KANSL1: variants seen among roughly 807,000 people sequenced by gnomAD.
KANSL1 encodes KAT8 regulatory NSL complex subunit 1.
Under a neutral mutation model 103.6 loss-of-function variants are expected in KANSL1, and 22 were observed. The ratio of observed to expected loss-of-function variants is 0.21; its 90% CI spans 0.15 to 0.30. KANSL1 has a LOEUF of 0.30. Ranked by LOEUF, KANSL1 falls within the 10% of genes least tolerant of loss-of-function variation. The probability of loss-of-function intolerance (pLI) is 1.00; values close to 1 mark genes in which losing one functional copy is unlikely to be tolerated. For missense variants in KANSL1, 1,337 were observed against 1,399.8 expected, an observed-to-expected ratio of 0.96 and a Z score of 0.72; for synonymous variants, 600 against 527.6, an observed-to-expected ratio of 1.14 and a Z score of -1.88.
chr17:46,166,582 C>T (rs1445013660), intron 2 of KANSL1, among the ~76,000 whole-genome samples: 4 of 152,076 alleles, frequency 2.6e-5, no homozygotes, highest in African/African-American at 9.7e-5. Context: ...TTCAAATAAG[C>T]GCTTTAGTGT....
upstream of KANSL1, chr17:46,193,516 G>A (rs1206847336): frequency 1.4e-5 from 2 of 147,982 alleles, no homozygotes; most frequent in Non-Finnish European, 3.0e-5. Context: ...GGCGGCGAAG[G>A]GCCGCTCCAC....
At chr17:46,066,491 C>A in intron 6 of KANSL1, 46 bp downstream of exon 6, 1 of 1,497,948 alleles carries the variant, frequency 6.7e-7, no homozygotes, top group Non-Finnish European at 9.0e-7. Flanking sequence ...TCTATCTGAG[C>A]ATCTGGCTCA....
At chr17:46,219,959 C>A (rs1226174071) in intron 1 of KANSL1, among the ~76,000 whole-genome samples, 2 of 151,992 alleles carry the variant, frequency 1.3e-5, no homozygotes, top group African/African-American at 4.8e-5. Flanking sequence ...AAAAATTAGC[C>A]GGGCGTGGTG....
chr17:46,034,712 C>T (rs1568369180), intron 10 of KANSL1: 2 of 191,680 alleles, frequency 1.0e-5, no homozygotes, highest in Admixed American at 1.2e-4. Context: ...TGCTTGAAAG[C>T]TTATGCTGAA....
chr17:46,099,586 T>C (rs2042226318), intron 2 of KANSL1, among the ~76,000 whole-genome samples: 1 of 152,214 alleles, frequency 6.6e-6, no homozygotes, highest in South Asian at 2.1e-4. Flanking sequence ...ATATAGTCAT[T>C]ATCAATAATG....
At chr17:46,176,044 T>C (rs377266352) in intron 1 of KANSL1, among the ~76,000 whole-genome samples, 10 of 152,308 alleles carry the variant, frequency 6.6e-5, no homozygotes, top group African/African-American at 2.4e-4. Flanking sequence ...TCCTCCCCTT[T>C]TGAATGTCAA....
intron 6 of KANSL1, among the ~76,000 whole-genome samples, chr17:46,062,724 C>T (rs374576031): frequency 6.6e-5 from 10 of 151,644 alleles, no homozygotes; most frequent in African/African-American, 2.4e-4. Flanking sequence ...ATATTCCAGC[C>T]ATAATTCAAC....
chr17:46,102,197 G>A (rs2042351155), intron 2 of KANSL1, among the ~76,000 whole-genome samples: 1 of 152,172 alleles, frequency 6.6e-6, no homozygotes. Context: ...CATGACCTAG[G>A]TTGTGTCAGC....
intron 1 of KANSL1, among the ~76,000 whole-genome samples, chr17:46,179,712 G>A (rs1212985930): frequency 6.6e-6 from 1 of 152,212 alleles, no homozygotes; most frequent in East Asian, 1.9e-4. Context: ...TCTAGTGAGA[G>A]GAAATGGCAT....
At chr17:46,184,846 T>C (rs1227505854) in intron 1 of KANSL1, among the ~76,000 whole-genome samples, 1 of 151,034 alleles carries the variant, frequency 6.6e-6, no homozygotes, top group Admixed American at 6.6e-5. Flanking sequence ...ACTTTTTTTT[T>C]TTTTTTTTTT....
At chr17:46,094,146 G>A (rs1372143128) in intron 3 of KANSL1, 1 of 184,046 alleles carries the variant, frequency 5.4e-6, no homozygotes, top group Non-Finnish European at 1.1e-5. Flanking sequence ...GTCCAGGCTG[G>A]AGTGTGGTGG....
intron 1 of KANSL1, among the ~76,000 whole-genome samples, chr17:46,189,195 T>A (rs1027341554): frequency 6.6e-6 from 1 of 151,962 alleles, no homozygotes; most frequent in Admixed American, 6.6e-5. Flanking sequence ...CACGCCAACC[T>A]GGGAATCACA....
chr17:46,067,727 A>G (rs1367111579), intron 4 of KANSL1, 60 bp from the exon 5 acceptor site: 1 of 836,282 alleles, frequency 1.2e-6, no homozygotes, highest in African/African-American at 1.7e-5. Flanking sequence ...CTGCCTGAAA[A>G]GCACCACCAC....
At chr17:46,191,772 T>C (rs2047337270) in intron 1 of KANSL1, among the ~76,000 whole-genome samples, 1 of 152,054 alleles carries the variant, frequency 6.6e-6, no homozygotes, top group Admixed American at 6.5e-5. Context: ...AAAAACACAA[T>C]GATTGCTAGC....
chr17:46,084,094 A>G (rs953041886), intron 3 of KANSL1, among the ~76,000 whole-genome samples: 1 of 146,390 alleles, frequency 6.8e-6, no homozygotes, highest in Non-Finnish European at 1.6e-5. Context: ...AATGAATTGG[A>G]GGGTCCCGGA....
intron 6 of KANSL1, among the ~76,000 whole-genome samples, chr17:46,061,176 G>A (rs1045604763): frequency 1.3e-5 from 2 of 151,892 alleles, no homozygotes; most frequent in African/African-American, 2.4e-5. Flanking sequence ...AGTTTCTAAT[G>A]GTCCACAGTA....
rs762022186 is a variant in KANSL1, at chr17:46,171,462, T to A, written c.682A>T (p.Thr228Ser). 2.5e-6 allele frequency: 4 copies of A among 1,614,126 alleles called. No individual in the cohort carries two copies. Among genetic ancestry groups the A allele is most frequent in the Admixed American group, 1.7e-5 (1 of 60,022 alleles). The change falls in exon 2 of 15, where the codon ACT (threonine) becomes TCT (serine). Residue 228 changes from threonine (T) to serine (S), a missense_variant. Physicochemically the swap from Thr to Ser is moderately conservative, Grantham distance 58. Around this residue, in one of 2 missense-constraint regions of KANSL1, gnomAD observed 557 missense variants for 476.4 expected, o/e 1.17. Transcript: ENST00000432791. ...GAATTGACAGAGGATTTGTTTGCAGTGCTATTATTGCTATACAAAGTTGTG... is the reference window on the plus strand; with the variant it reads ...GAATTGACAGAGGATTTGTTTGCAGAGCTATTATTGCTATACAAAGTTGTG... ...EHTTLYSNNS[T>S]ANKSSVNSME...
At chr17:46,149,037 C>G (rs1019815924) in intron 2 of KANSL1, among the ~76,000 whole-genome samples, 4 of 138,960 alleles carry the variant, frequency 2.9e-5, no homozygotes, top group African/African-American at 8.3e-5. Context: ...GAGTCTCGCT[C>G]TATCGCCCAG....
At chr17:46,046,063 G>C (rs2077494146) in intron 7 of KANSL1, 1 of 152,128 alleles carries the variant, frequency 6.6e-6, no homozygotes. Flanking sequence ...GTAAAAATCT[G>C]ACTCCTCTTA....
Sources: gnomAD v4.1 joint callset for allele counts (sites outside exome capture counted in the v4.1 genomes callset) on GRCh38, gnomAD v4.1.1 for gene constraint, gnomAD v4.1.1 regional missense constraint, MANE v1.5 for transcripts, NCBI Gene and HGNC (gene_info 2026-07-23, HGNC 2026-07-21) for gene names.